ERICH1: variants seen among roughly 807,000 people sequenced by gnomAD.
ERICH1 encodes glutamate-rich protein 1.
In ERICH1, 56 loss-of-function variants were observed where a neutral mutation model predicts 39.6. The observed-to-expected ratio is 1.41, with a 90% confidence interval of 1.14 to 1.77. ERICH1 has a LOEUF of 1.77. Among genes scored for constraint, ERICH1 ranks in the 40% most tolerant of loss-of-function variants. The pLI, the probability that ERICH1 is intolerant of heterozygous loss-of-function variation, is 0.00. For synonymous variants in ERICH1, 313 were observed against 223.6 expected (o/e 1.40, Z -3.57); for missense variants, 826 against 575.4 (o/e 1.44, Z -4.45).
chr8:698,739 A>AGGCCCTAGCACTTT (rs1384304272), intron 2 of ERICH1, among the ~76,000 whole-genome samples: 2 of 152,052 alleles, frequency 1.3e-5, no homozygotes, highest in Non-Finnish European at 2.9e-5. Flanking sequence ...TGGCCTCCTA[A>AGGCCCTAGCACTTT]AGTGCTAGGA....
chr8:634,183 A>AAAAACAAAAAAAAAAAAACAAAC (rs1554481909), intron 3 of ERICH1, among the ~76,000 whole-genome samples: 1 of 135,808 alleles, frequency 7.4e-6, no homozygotes, highest in South Asian at 2.3e-4. Flanking sequence ...AAAAAAAAAA[A>AAAAACAAAAAAAAAAAAACAAAC]AAACAAACAA....
Position 673,929 on chromosome 8 carries a change from ACT to A in ERICH1, c.421_422del (p.Leu142ValfsTer19). On this transcript the variant is annotated frameshift_variant, in exon 4 of 6. Coordinates refer to ENST00000262109, the MANE Select transcript of ERICH1 (RefSeq NM_207332.3). LOFTEE classifies it high-confidence loss of function. ...IEQAELEKQQ[S>X]LLQEKSQRQH... ...GTCGCTGAGATTTCTCCTGTAACAGACTCTGCTGTTTCTCTAATTCTGCTTGT... is the reference window on the plus strand; with the variant it reads ...GTCGCTGAGATTTCTCCTGTAACAGACTGCTGTTTCTCTAATTCTGCTTGT... 6.2e-7 allele frequency: 1 copy of A among 1,612,628 alleles called. No homozygotes were observed. Among genetic ancestry groups the A allele is most frequent in the Non-Finnish European group, 8.5e-7 (1 of 1,179,874 alleles).
At chr8:694,621 G>A (rs1468249091) in intron 2 of ERICH1, among the ~76,000 whole-genome samples, 1 of 152,216 alleles carries the variant, frequency 6.6e-6, no homozygotes. Flanking sequence ...TCCTGCGACA[G>A]TCACAGGCAC....
Position 680,948 on chromosome 8 carries a change from C to A in ERICH1, c.305-6901G>T, listed in dbSNP as rs1805981829. ...GGGCAGTCTCAGGACACAAGGAGAC[C>A]TGGTGGTGACGGACACATTCATTAT... On this transcript the variant is annotated intron_variant, in intron 3 of 5. Coordinates refer to ENST00000262109, the MANE Select transcript of ERICH1 (RefSeq NM_207332.3). Among the ~76,000 whole-genome samples, 4 of 152,206 alleles carry A rather than the reference C, an allele frequency of 2.6e-5. No individual in the cohort carries two copies. In the South Asian group the frequency reaches 8.3e-4, roughly 31 times the overall value.
intron 3 of ERICH1, among the ~76,000 whole-genome samples, chr8:634,587 G>C (rs1798279866): frequency 6.6e-6 from 1 of 152,194 alleles, no homozygotes; most frequent in African/African-American, 2.4e-5. Context: ...CCAGCTCTAA[G>C]CACAGTGCCA....
At chr8:670,764 C>A (rs1313704721) in intron 4 of ERICH1, among the ~76,000 whole-genome samples, 2 of 152,170 alleles carry the variant, frequency 1.3e-5, no homozygotes, top group Non-Finnish European at 2.9e-5. Context: ...GTCCACCGGC[C>A]CCAGCTCCAA....
chr8:626,918 C>A (rs948330441), intron 3 of ERICH1: 8 of 335,326 alleles, frequency 2.4e-5, no homozygotes, highest in Non-Finnish European at 4.8e-5. Flanking sequence ...GAGTAAGGTA[C>A]CTTCCAGGGC....
intron 3 of ERICH1, among the ~76,000 whole-genome samples, chr8:636,656 G>C (rs1440439608): frequency 6.6e-6 from 1 of 152,234 alleles, no homozygotes; most frequent in Non-Finnish European, 1.5e-5. Flanking sequence ...TACAACAAAA[G>C]CGCAGTCCAA....
At chr8:657,162 TGAA>T (rs1419337234) in intron 3 of ERICH1, among the ~76,000 whole-genome samples, 1 of 152,158 alleles carries the variant, frequency 6.6e-6, no homozygotes, top group African/African-American at 2.4e-5. Context: ...CTGCAAGAGT[TGAA>T]GAAGAAAGAA....
At chr8:713,746 G>A (rs375513835) in intron 2 of ERICH1, among the ~76,000 whole-genome samples, 274 of 152,256 alleles carry the variant, frequency 1.8e-3, no homozygotes, top group African/African-American at 6.3e-3. Context: ...ATCCTGGTGC[G>A]CAGCTCCATT....
At chr8:695,122 C>T (rs1008436800) in intron 2 of ERICH1, among the ~76,000 whole-genome samples, 4 of 152,060 alleles carry the variant, frequency 2.6e-5, no homozygotes, top group African/African-American at 9.7e-5. Flanking sequence ...TGGCTCCTTT[C>T]TCCCCGTCAG....
intron 2 of ERICH1, among the ~76,000 whole-genome samples, chr8:701,170 T>C (rs981575256): frequency 6.6e-6 from 1 of 152,274 alleles, no homozygotes; most frequent in South Asian, 2.1e-4. Context: ...TGGACGGGTC[T>C]GCCCCGCCAG....
chr8:705,313 C>T (rs559531258), intron 2 of ERICH1, among the ~76,000 whole-genome samples: 4 of 152,370 alleles, frequency 2.6e-5, no homozygotes, highest in South Asian at 2.1e-4. Flanking sequence ...TGCATCTCAA[C>T]GGACACTGCG....
rs552288282 is a variant in ERICH1, at chr8:674,360, TG to T, written c.305-314del. On this transcript the variant is annotated intron_variant, in intron 3 of 5. Transcript: ENST00000262109. ...CTTTGCTGCACAGGCTGGAGTGCAG[TG>T]GAACAATCTCGGCTCACTGCAACCT... Among the ~76,000 whole-genome samples, 16 of 143,704 alleles carry T rather than the reference TG, an allele frequency of 1.1e-4. 1 individual carries two copies. In the South Asian group the frequency reaches 3.6e-3, roughly 33 times the overall value. The allele number at this position is 143,704 out of a possible 152,430, so 94.3% of individuals were successfully genotyped here. A position where few individuals can be genotyped will look rare whatever the true frequency, so the allele number is the denominator to read the frequency against.
intron 3 of ERICH1, among the ~76,000 whole-genome samples, chr8:684,560 C>A (rs989872814): frequency 1.3e-5 from 2 of 152,150 alleles, no homozygotes; most frequent in Non-Finnish European, 1.5e-5. Flanking sequence ...AGTGGTACCA[C>A]AGAGAAGAGG....
chr8:702,730 G>A (rs1376807368), intron 2 of ERICH1, among the ~76,000 whole-genome samples: 1 of 152,212 alleles, frequency 6.6e-6, no homozygotes, highest in Non-Finnish European at 1.5e-5. Context: ...AGCGACACTG[G>A]TGCCCTCAGC....
intron 1 of ERICH1, among the ~76,000 whole-genome samples, chr8:721,817 T>A (rs1279397616): frequency 1.3e-5 from 2 of 152,122 alleles, no homozygotes; most frequent in African/African-American, 2.4e-5. Flanking sequence ...TCATTTTTGG[T>A]TTGTTGAAAT....
intron 3 of ERICH1, among the ~76,000 whole-genome samples, chr8:688,581 A>C (rs1270905235): frequency 2.0e-5 from 3 of 152,150 alleles, no homozygotes; most frequent in Non-Finnish European, 4.4e-5. Context: ...TGATTCAGTG[A>C]ATTACTTGGT....
chr8:630,109 T>A (rs1445210633), intron 3 of ERICH1, among the ~76,000 whole-genome samples: 1 of 112,340 alleles, frequency 8.9e-6, no homozygotes, highest in African/African-American at 4.0e-5. Flanking sequence ...ACTCACACCC[T>A]CCCGTGAGCA....
Sources: allele counts gnomAD v4.1 joint callset (sites outside exome capture counted in the v4.1 genomes callset), GRCh38; gene constraint gnomAD v4.1.1; transcripts MANE v1.5; gene names NCBI Gene and HGNC (gene_info 2026-07-23, HGNC 2026-07-21).